TFDP2: variants seen among roughly 807,000 people sequenced by gnomAD.
The protein encoded by TFDP2 is transcription factor Dp-2 (E2F dimerization partner 2).
Under a neutral mutation model 59.3 loss-of-function variants are expected in TFDP2, and 17 were observed. That is an observed-to-expected ratio of 0.29 (90% CI 0.20 to 0.43). The LOEUF is 0.43. Among genes scored for constraint, TFDP2 ranks in the 20% least tolerant of loss-of-function variants. The pLI is 1.00. For missense variants in TFDP2, 391 were observed against 528.8 expected (o/e 0.74, Z 2.56); for synonymous variants, 180 against 194.7 (o/e 0.92, Z 0.63).
At chr3:142,053,333 T>G (rs1289120659) in intron 3 of TFDP2, among the ~76,000 whole-genome samples, 1 of 152,084 alleles carries the variant, frequency 6.6e-6, no homozygotes, top group Non-Finnish European at 1.5e-5. Context: ...ACATGAGATC[T>G]GGTTGTTTAA....
chr3:142,051,669 A>T (rs1947637246), intron 3 of TFDP2, among the ~76,000 whole-genome samples: 1 of 152,216 alleles, frequency 6.6e-6, no homozygotes, highest in Admixed American at 6.5e-5. Context: ...AGAATCTAGA[A>T]ACAGATCCTC....
chr3:142,103,863 A>C (rs2061390362), intron 1 of TFDP2, among the ~76,000 whole-genome samples: 1 of 152,086 alleles, frequency 6.6e-6, no homozygotes. Flanking sequence ...TCTACAAGTA[A>C]AATTTTGTAG....
At chr3:142,050,178 C>A (rs575495051) in intron 3 of TFDP2, among the ~76,000 whole-genome samples, 57 of 149,990 alleles carry the variant, frequency 3.8e-4, no homozygotes, top group African/African-American at 1.4e-3. Flanking sequence ...GAGGCAGAAT[C>A]GCTTGAACCC....
At chr3:141,996,666 GAA>G (rs1169298277) in intron 4 of TFDP2, among the ~76,000 whole-genome samples, 1 of 152,122 alleles carries the variant, frequency 6.6e-6, no homozygotes, top group African/African-American at 2.4e-5. Context: ...GCATTTGAAG[GAA>G]AGAGTCAAAC....
intron 10 of TFDP2, among the ~76,000 whole-genome samples, chr3:141,961,610 G>C (rs1324713563): frequency 6.6e-6 from 1 of 152,114 alleles, no homozygotes; most frequent in Non-Finnish European, 1.5e-5. Flanking sequence ...GAATTTGCAA[G>C]TGTGTGGAAA....
chr3:141,966,764 T>A (rs752919468), intron 9 of TFDP2, among the ~76,000 whole-genome samples: 10 of 151,590 alleles, frequency 6.6e-5, no homozygotes, highest in Admixed American at 6.6e-5. Context: ...CAGGTTTGCT[T>A]TACTCACTCC....
chr3:142,014,217 C>T (rs1349825570), intron 3 of TFDP2, among the ~76,000 whole-genome samples: 2 of 152,200 alleles, frequency 1.3e-5, no homozygotes, highest in Non-Finnish European at 2.9e-5. Flanking sequence ...TATCACAGCT[C>T]ACTGCAGCCT....
At chr3:142,000,420 T>C (rs1943667799) in intron 4 of TFDP2, 1 of 640,162 alleles carries the variant, frequency 1.6e-6, no homozygotes, top group Non-Finnish European at 2.8e-6. Context: ...ATTCCACTCA[T>C]AAGGGTGAAG....
intron 1 of TFDP2, among the ~76,000 whole-genome samples, chr3:142,146,213 C>A (rs1328286262): frequency 4.6e-5 from 7 of 151,896 alleles, no homozygotes; most frequent in Non-Finnish European, 1.0e-4. Context: ...AATATAGATA[C>A]ATGTAAAGTC....
At chr3:141,961,661 T>C (rs1261778852) in intron 10 of TFDP2, among the ~76,000 whole-genome samples, 1 of 152,184 alleles carries the variant, frequency 6.6e-6, no homozygotes, top group Non-Finnish European at 1.5e-5. Flanking sequence ...CTGGGCTGGG[T>C]TGTATATTAA....
chr3:142,031,915 T>C (rs1946448368), intron 3 of TFDP2, among the ~76,000 whole-genome samples: 2 of 134,284 alleles, frequency 1.5e-5, no homozygotes, highest in African/African-American at 5.1e-5. Flanking sequence ...ATTGTACCTG[T>C]ACTTACATTT....
intron 3 of TFDP2, among the ~76,000 whole-genome samples, chr3:142,045,153 CCTTTT>C (rs1325576169): frequency 6.8e-6 from 1 of 146,788 alleles, no homozygotes; most frequent in Non-Finnish European, 1.5e-5. Flanking sequence ...GAATCTCTTT[CCTTTT>C]TTTTTTTTTT....
At chr3:141,983,128 A>T (rs1051634143) in intron 6 of TFDP2, among the ~76,000 whole-genome samples, 5 of 152,236 alleles carry the variant, frequency 3.3e-5, no homozygotes, top group African/African-American at 4.8e-5. Flanking sequence ...GGTTAATAGA[A>T]TATCATGCCA....
chr3:141,961,605 T>C (rs1307906983), intron 10 of TFDP2, among the ~76,000 whole-genome samples: 1 of 152,180 alleles, frequency 6.6e-6, no homozygotes, highest in Admixed American at 6.5e-5. Flanking sequence ...ATAAAGAATT[T>C]GCAAGTGTGT....
chr3:141,976,098 C>G (rs1473386027), intron 7 of TFDP2, among the ~76,000 whole-genome samples: 1 of 152,132 alleles, frequency 6.6e-6, no homozygotes, highest in African/African-American at 2.4e-5. Context: ...CCAGGCTGGT[C>G]TCCAACTCCT....
intron 3 of TFDP2, among the ~76,000 whole-genome samples, chr3:142,050,183 G>A (rs1333609905): frequency 6.7e-6 from 1 of 149,404 alleles, no homozygotes; most frequent in Non-Finnish European, 1.5e-5. Flanking sequence ...AGAATCGCTT[G>A]AACCCAGGAG....
chr3:142,034,852 C>T (rs1478246729), intron 3 of TFDP2, among the ~76,000 whole-genome samples: 2 of 152,018 alleles, frequency 1.3e-5, no homozygotes, highest in African/African-American at 4.8e-5. Flanking sequence ...GGACTACAGG[C>T]ACCCGCCACC....
intron 4 of TFDP2, among the ~76,000 whole-genome samples, chr3:141,998,406 G>A (rs1311259512): frequency 2.0e-5 from 3 of 152,044 alleles, no homozygotes; most frequent in African/African-American, 7.2e-5. Flanking sequence ...TTGAGGTAGG[G>A]AGTTCGAGAC....
chr3:142,108,037 G>A (rs536826114), intron 1 of TFDP2, among the ~76,000 whole-genome samples: 76 of 152,046 alleles, frequency 5.0e-4, no homozygotes, highest in African/African-American at 1.6e-3. Context: ...AGTAGGTTGC[G>A]TGAAAGTTGA....
Sources: allele counts gnomAD v4.1 joint callset (sites outside exome capture counted in the v4.1 genomes callset), GRCh38; gene constraint gnomAD v4.1.1; transcripts MANE v1.5; gene names NCBI Gene and HGNC (gene_info 2026-07-23, HGNC 2026-07-21).